Variants in USP15 observed in about 807,000 individuals in gnomAD.
The protein encoded by USP15 is ubiquitin carboxyl-terminal hydrolase 15.
A neutral mutation model predicts 127.1 loss-of-function variants in USP15; 18 were observed. The observed-to-expected ratio is 0.14, with a 90% CI of 0.10 to 0.21. USP15 has a LOEUF of 0.21. Ranked by LOEUF, USP15 falls within the 10% of genes least tolerant of loss-of-function variation. The probability of loss-of-function intolerance (pLI) is 1.00; values close to 1 mark genes in which losing one functional copy is unlikely to be tolerated. For synonymous variants in USP15, 364 were observed against 393.7 expected, an observed-to-expected ratio of 0.92 and a Z score of 0.89; for missense variants, 805 against 1,159.9, an observed-to-expected ratio of 0.69 and a Z score of 4.44.
At chr12:62,388,640 G>A (rs2067230121) in intron 11 of USP15, among the ~76,000 whole-genome samples, 1 of 152,168 alleles carries the variant, frequency 6.6e-6, no homozygotes. Flanking sequence ...ATAGAATTGA[G>A]TAACAAAGAC....
intron 8 of USP15, among the ~76,000 whole-genome samples, chr12:62,365,903 T>C (rs936663098): frequency 3.3e-5 from 5 of 152,188 alleles, no homozygotes; most frequent in African/African-American, 1.2e-4. Context: ...TTCTGTTGCA[T>C]TGGTCTATAT....
In USP15 at chr12:62,345,425, A is replaced by G. The variant is rs368327224; in HGVS notation, c.684-3796A>G. 2.6e-5 allele frequency among the ~76,000 whole-genome samples: 4 copies of G among 152,188 alleles called. No homozygotes were observed. In the East Asian group the frequency reaches 7.7e-4, roughly 29 times the overall value. On this transcript the variant is annotated intron_variant, in intron 6 of 21. Transcript: ENST00000280377. The stretch of plus-strand genomic sequence containing the variant: ...TATAACAGTGTCAGCATTTTGGTCA[A>G]AGCCATTCAGCAAGTCTCTAGGAAG...
At chr12:62,273,249 A>G (rs2063388445) in intron 1 of USP15, among the ~76,000 whole-genome samples, 1 of 151,850 alleles carries the variant, frequency 6.6e-6, no homozygotes, top group Non-Finnish European at 1.5e-5. Context: ...AGAGATTTTC[A>G]TTTATTCTAT....
chr12:62,279,113 G>C (rs779156261), intron 1 of USP15: 33 of 151,896 alleles, frequency 2.2e-4, no homozygotes, highest in African/African-American at 5.6e-4. Context: ...TACTCATTTT[G>C]CATAACTGAA....
intron 6 of USP15, among the ~76,000 whole-genome samples, chr12:62,344,735 T>A (rs7132192): frequency 0.022 from 3,356 of 152,266 alleles, 124 homozygotes; most frequent in African/African-American, 0.075. Context: ...TCCTCTGAAA[T>A]CAAGGTGGAG....
intron 7 of USP15, among the ~76,000 whole-genome samples, chr12:62,352,577 A>G (rs900007050): frequency 6.6e-6 from 1 of 152,082 alleles, no homozygotes; most frequent in Admixed American, 6.6e-5. Context: ...TAATTCATTT[A>G]TATCTTTTTC....
chr12:62,321,513 G>C lies in USP15; in HGVS notation c.525G>C (p.Lys175Asn). Residue 175 changes from lysine (K) to asparagine (N), a missense_variant, in exon 5 of 22, where the codon AAG becomes AAC. Lys to Asn is a moderately conservative substitution (Grantham distance 94). Transcript: ENST00000280377. ...AAATCTTCAGTATTCCAGATGAAAA[G>C]GAGACCAGATTGTGGAACAAATACA... ...IRKIFSIPDE[K>N]ETRLWNKYMS... 6.2e-7 allele frequency: 1 copy of C among 1,607,768 alleles called. No individual in the cohort carries two copies. The highest frequency in any genetic ancestry group is 8.5e-7 in the Non-Finnish European group (1 of 1,176,438).
At chr12:62,292,976 A>G (rs1026963966) in intron 1 of USP15, among the ~76,000 whole-genome samples, 1 of 152,108 alleles carries the variant, frequency 6.6e-6, no homozygotes, top group African/African-American at 2.4e-5. Context: ...TGGGCAAGAT[A>G]AAGTCCCCTG....
At chr12:62,355,501 C>A in intron 8 of USP15, 26 bp downstream of exon 8, 1 of 1,559,972 alleles carries the variant, frequency 6.4e-7, no homozygotes, top group Non-Finnish European at 8.7e-7. Context: ...CAAAATGAAA[C>A]TCATGTTTCA....
Position 62,399,102 on chromosome 12 carries a change from G to A in USP15, c.2675-2085G>A, listed in dbSNP as rs180677653. Among the ~76,000 whole-genome samples the A allele has an allele frequency of 1.6e-3, 249 of 151,956 alleles. 3 individuals carry two copies. Among genetic ancestry groups the A allele is most frequent in the African/African-American group, 5.8e-3 (239 of 41,398 alleles). On this transcript the variant is annotated intron_variant, in intron 20 of 21. Coordinates refer to ENST00000280377, the MANE Select transcript of USP15 (RefSeq NM_001252078.2). ...CTTTTTGTTGAATGTGTCTCTTATAGATCACACAGATCTAAGTGCAGCATC... is the reference window on the plus strand; with the variant it reads ...CTTTTTGTTGAATGTGTCTCTTATAAATCACACAGATCTAAGTGCAGCATC...
intron 3 of USP15, among the ~76,000 whole-genome samples, chr12:62,310,365 C>G (rs1223331752): frequency 6.6e-6 from 1 of 151,732 alleles, no homozygotes; most frequent in Admixed American, 6.6e-5. Context: ...AAGCCAGTTC[C>G]CTTCATCCTT....
At chr12:62,404,082 T>C (rs2067787324) in intron 21 of USP15, 111 bp from the exon 22 acceptor site, 2 of 1,298,944 alleles carry the variant, frequency 1.5e-6, no homozygotes, top group Non-Finnish European at 2.0e-6. Context: ...GCATGGTTTT[T>C]CTATTTGATT....
At chr12:62,261,308 T>G (rs569210494) in intron 1 of USP15, among the ~76,000 whole-genome samples, 5 of 152,350 alleles carry the variant, frequency 3.3e-5, no homozygotes, top group African/African-American at 1.2e-4. Flanking sequence ...GAAGGATGTA[T>G]GTGGACATTT....
rs569279040 is a variant in USP15, at chr12:62,414,094, A to G, written c.*9719A>G. Reference sequence around the variant, plus strand: ...ACACACACGTCTGTGCCCTCAAACAAAACAGTAACATCAAAGATTACTGAT... The same window carrying G: ...ACACACACGTCTGTGCCCTCAAACAGAACAGTAACATCAAAGATTACTGAT... On this transcript the variant is annotated 3_prime_UTR_variant, in exon 22 of 22. Transcript: ENST00000280377. 1 of 152,280 alleles carries G rather than the reference A, an allele frequency of 6.6e-6. No individual in the cohort carries two copies. The highest frequency in any genetic ancestry group is 2.1e-4 in the South Asian group (1 of 4,824). 9.4% of individuals were successfully genotyped at this position (152,280 alleles called of 1,614,324 possible).
rs535522955 is a variant in USP15 at position 62,310,323 on chromosome 12, T to C, written c.349-4467T>C. 9.9e-5 allele frequency among the ~76,000 whole-genome samples: 15 copies of C among 151,952 alleles called. No homozygotes were observed. The East Asian group carries it at 2.7e-3, about 27-fold the overall frequency. On this transcript the variant is annotated intron_variant, in intron 3 of 21. Coordinates refer to ENST00000280377, the MANE Select transcript of USP15 (RefSeq NM_001252078.2). ...CCCTGCTCTGCTACCAAACATTGAA[T>C]TTATTCCATTTTACTGTATGTTTGT...
intron 1 of USP15, among the ~76,000 whole-genome samples, chr12:62,285,384 G>A (rs2063759005): frequency 6.6e-6 from 1 of 152,100 alleles, no homozygotes; most frequent in South Asian, 2.1e-4. Context: ...TAAGATAATG[G>A]CCTCCAGTTC....
intron 9 of USP15, among the ~76,000 whole-genome samples, chr12:62,383,040 T>G (rs1483012700): frequency 6.6e-6 from 1 of 151,956 alleles, no homozygotes; most frequent in East Asian, 1.9e-4. Context: ...TATTAAAGAT[T>G]ACATGTGTTG....
intron 7 of USP15, among the ~76,000 whole-genome samples, chr12:62,351,632 C>T (rs1276188452): frequency 6.6e-6 from 1 of 151,986 alleles, no homozygotes; most frequent in Non-Finnish European, 1.5e-5. Flanking sequence ...AAACCTCTGA[C>T]TGCAGAAACT....
intron 8 of USP15, among the ~76,000 whole-genome samples, chr12:62,370,754 C>T (rs1327546859): frequency 1.3e-5 from 2 of 152,024 alleles, no homozygotes; most frequent in African/African-American, 2.4e-5. Context: ...TTCCCTCATC[C>T]GTAATTCTCT....
Sources: allele counts gnomAD v4.1 joint callset (sites outside exome capture counted in the v4.1 genomes callset), GRCh38; gene constraint gnomAD v4.1.1; transcripts MANE v1.5; gene names NCBI Gene and HGNC (gene_info 2026-07-23, HGNC 2026-07-21).